Variants in REDIC1 observed in about 807,000 individuals in gnomAD.
REDIC1 encodes regulator of DNA class I crossover intermediates 1.
the REDIC1 span, among the ~76,000 whole-genome samples, chr12:39,653,625 G>A: frequency 7.6e-6 from 1 of 132,446 alleles, no homozygotes; most frequent in Non-Finnish European, 1.6e-5. Context: ...CATTGTGAAT[G>A]TGATCTTAGC....
the REDIC1 span, among the ~76,000 whole-genome samples, chr12:39,898,621 C>T: frequency 1.7e-3 from 264 of 152,238 alleles, 1 homozygote; most frequent in African/African-American, 5.5e-3. Context: ...AAGAATCAGA[C>T]TCAAGTTAGC....
chr12:39,749,484 C>G, the REDIC1 span, among the ~76,000 whole-genome samples: 1 of 152,100 alleles, frequency 6.6e-6, no homozygotes, highest in Non-Finnish European at 1.5e-5. Context: ...CGAATTCTAC[C>G]AGAGGTACAA....
At chr12:39,726,528 G>A in the REDIC1 span, among the ~76,000 whole-genome samples, 2 of 152,176 alleles carry the variant, frequency 1.3e-5, no homozygotes, top group Non-Finnish European at 2.9e-5. Flanking sequence ...ATTCCATGGT[G>A]TATATGTGCC....
chr12:39,893,385 C>T, the REDIC1 span, among the ~76,000 whole-genome samples: 2 of 152,178 alleles, frequency 1.3e-5, no homozygotes, highest in African/African-American at 2.4e-5. Flanking sequence ...CTGCAACCTC[C>T]GCCTCCCAGG....
chr12:39,723,729 A>G, the REDIC1 span, among the ~76,000 whole-genome samples: 3 of 152,092 alleles, frequency 2.0e-5, no homozygotes, highest in Non-Finnish European at 4.4e-5. Context: ...GTAAGGGCCA[A>G]TGCTATACAG....
At chr12:39,664,441 T>TGCCATGGA in the REDIC1 span, among the ~76,000 whole-genome samples, 33 of 152,208 alleles carry the variant, frequency 2.2e-4, no homozygotes, top group Non-Finnish European at 3.4e-4. Flanking sequence ...TTCCATGGTG[T>TGCCATGGA]ATATGTGCCA....
chr12:39,626,495 G>A, the REDIC1 span: 3 of 1,115,348 alleles, frequency 2.7e-6, no homozygotes, highest in Non-Finnish European at 3.9e-6. Flanking sequence ...ATCCAAATCG[G>A]GTTGGAGACT....
chr12:39,679,280 C>G, the REDIC1 span, among the ~76,000 whole-genome samples: 1 of 152,078 alleles, frequency 6.6e-6, no homozygotes, highest in Non-Finnish European at 1.5e-5. Flanking sequence ...CCAAAAAGCT[C>G]CTAGATCTGA....
At chr12:39,712,636 C>G in the REDIC1 span, among the ~76,000 whole-genome samples, 8 of 141,446 alleles carry the variant, frequency 5.7e-5, 1 homozygote, top group African/African-American at 2.1e-4. Context: ...TATATGTATA[C>G]ACATTTATAT....
the REDIC1 span, among the ~76,000 whole-genome samples, chr12:39,762,007 T>G: frequency 7.2e-5 from 11 of 152,176 alleles, no homozygotes; most frequent in Middle Eastern, 0.01. Flanking sequence ...TGATTACAGA[T>G]TCTTTCTTGT....
At chr12:39,656,563 C>T in the REDIC1 span, among the ~76,000 whole-genome samples, 2 of 152,062 alleles carry the variant, frequency 1.3e-5, no homozygotes, top group African/African-American at 4.8e-5. Flanking sequence ...TTAGAGTGTG[C>T]TCTTTCTACT....
chr12:39,656,970 A>G, the REDIC1 span, among the ~76,000 whole-genome samples: 1 of 152,218 alleles, frequency 6.6e-6, no homozygotes, highest in East Asian at 1.9e-4. Context: ...AGCTACAGTA[A>G]GATAAGGTTA....
the REDIC1 span, chr12:39,764,327 A>ATGG: frequency 1.3e-6 from 1 of 779,528 alleles, no homozygotes; most frequent in East Asian, 2.9e-5. Context: ...TTTGGAGGAC[A>ATGG]AGAAAGCCAC....
chr12:39,692,493 C>T, the REDIC1 span, among the ~76,000 whole-genome samples: 9 of 151,042 alleles, frequency 6.0e-5, no homozygotes, highest in African/African-American at 2.2e-4. Context: ...TTATTTTGAA[C>T]TTTCTATATA....
chr12:39,804,320 G>A, the REDIC1 span, among the ~76,000 whole-genome samples: 1 of 152,152 alleles, frequency 6.6e-6, no homozygotes, highest in Non-Finnish European at 1.5e-5. Context: ...CATTCCATAA[G>A]AGAAATAGTT....
chr12:39,702,899 A>C, the REDIC1 span, among the ~76,000 whole-genome samples: 1 of 152,078 alleles, frequency 6.6e-6, no homozygotes, highest in Non-Finnish European at 1.5e-5. Flanking sequence ...CATGCTAAAA[A>C]CTCTCAATAA....
the REDIC1 span, among the ~76,000 whole-genome samples, chr12:39,719,729 A>G: frequency 2.0e-5 from 3 of 152,172 alleles, no homozygotes; most frequent in Non-Finnish European, 2.9e-5. Flanking sequence ...ATCACTAAAG[A>G]AGCATGTTTA....
At chr12:39,681,226 T>C in the REDIC1 span, among the ~76,000 whole-genome samples, 1 of 152,100 alleles carries the variant, frequency 6.6e-6, no homozygotes, top group South Asian at 2.1e-4. Context: ...GGGCCAAGAT[T>C]GCACTACTGC....
At chr12:39,677,842 T>C in the REDIC1 span, among the ~76,000 whole-genome samples, 4 of 152,130 alleles carry the variant, frequency 2.6e-5, no homozygotes, top group Non-Finnish European at 5.9e-5. Context: ...CTAAATGATC[T>C]TTGGGTCAAC....
Sources: allele counts gnomAD v4.1 joint callset (sites outside exome capture counted in the v4.1 genomes callset), GRCh38; gene constraint gnomAD v4.1.1; transcripts MANE v1.5; gene names NCBI Gene and HGNC (gene_info 2026-07-23, HGNC 2026-07-21).